The following ARL6IP5 variants were observed in gnomAD, a reference collection of about 807,000 sequenced individuals.
ARL6IP5 encodes the protein PRA1 family protein 3.
A neutral mutation model predicts 13.0 loss-of-function variants in ARL6IP5; 6 were observed. The ratio of observed to expected loss-of-function variants is 0.46; its 90% CI spans 0.25 to 0.91. The LOEUF is 0.91. Among genes scored for constraint, ARL6IP5 ranks in the 40% least tolerant of loss-of-function variants. The probability of loss-of-function intolerance (pLI) is 0.17; values close to 1 mark genes in which losing one functional copy is unlikely to be tolerated. For missense variants in ARL6IP5, 208 were observed against 248.8 expected (o/e 0.84, Z 1.10); for synonymous variants, 91 against 91.9 (o/e 0.99, Z 0.06).
At chr3:69,093,772 A>AAAAC (rs1553685750) in intron 1 of ARL6IP5, among the ~76,000 whole-genome samples, 14 of 147,320 alleles carry the variant, frequency 9.5e-5, no homozygotes, top group African/African-American at 2.2e-4. Flanking sequence ...AAAAAAAAAA[A>AAAAC]AAAAGAAAAG....
At chr3:69,102,109 A>C in intron 2 of ARL6IP5, 53 bp downstream of exon 2, 1 of 1,563,892 alleles carries the variant, frequency 6.4e-7, no homozygotes, top group Non-Finnish European at 8.8e-7. Flanking sequence ...AGAAGCAATT[A>C]TCCAACGGGA....
intron 2 of ARL6IP5, 176 bp downstream of exon 2, chr3:69,102,232 C>G: frequency 3.0e-6 from 2 of 656,568 alleles, no homozygotes; most frequent in South Asian, 3.9e-5. Flanking sequence ...GAACTGAGGT[C>G]AAGAACTATG....
chr3:69,095,326 TATTA>T (rs917084950), intron 1 of ARL6IP5, among the ~76,000 whole-genome samples: 2 of 152,044 alleles, frequency 1.3e-5, no homozygotes, highest in African/African-American at 2.4e-5. Flanking sequence ...GGGAAAGATT[TATTA>T]ATTATTTATT....
chr3:69,098,959 C>T (rs2092295860), intron 1 of ARL6IP5, among the ~76,000 whole-genome samples: 1 of 151,984 alleles, frequency 6.6e-6, no homozygotes, highest in African/African-American at 2.4e-5. Flanking sequence ...TTGTTTAATT[C>T]CTTAGACTAT....
chr3:69,093,491 T>C (rs542574437), intron 1 of ARL6IP5, among the ~76,000 whole-genome samples: 62 of 152,292 alleles, frequency 4.1e-4, no homozygotes, highest in African/African-American at 1.2e-3. Flanking sequence ...CCCACATTTA[T>C]GCCTATAGTC....
intron 1 of ARL6IP5, among the ~76,000 whole-genome samples, chr3:69,100,448 G>T (rs539905622): frequency 7.2e-5 from 11 of 152,162 alleles, no homozygotes; most frequent in African/African-American, 2.6e-4. Context: ...GGGCAGGCAG[G>T]TTATGTAAGA....
At position 69,104,639 on chromosome 3, in the gene ARL6IP5, A is replaced by G. The variant is rs1406629440; in HGVS notation, c.*3A>G. 2 of 1,612,570 alleles carry G rather than the reference A, an allele frequency of 1.2e-6. No homozygotes were observed. The highest frequency in any genetic ancestry group is 2.2e-5 in the East Asian group (1 of 44,828). ...ATATCAGCAAAGTGAAGGAATAAAC[A>G]TAACTTACCTGAGCTAGGGTTGCAG... On this transcript the variant is annotated 3_prime_UTR_variant, in exon 3 of 3. Coordinates refer to ENST00000273258, the MANE Select transcript of ARL6IP5 (RefSeq NM_006407.4).
At chr3:69,099,334 G>A (rs1575862989) in intron 1 of ARL6IP5, among the ~76,000 whole-genome samples, 1 of 152,074 alleles carries the variant, frequency 6.6e-6, no homozygotes, top group East Asian at 1.9e-4. Context: ...TCGCGCCATT[G>A]TACTCCAGCC....
chr3:69,094,915 T>C (rs191762361), intron 1 of ARL6IP5, among the ~76,000 whole-genome samples: 4 of 152,248 alleles, frequency 2.6e-5, no homozygotes, highest in Admixed American at 2.0e-4. Flanking sequence ...TAACTTGTGG[T>C]AAAACTATAG....
chr3:69,104,930 G>T lies in ARL6IP5; in HGVS notation c.*294G>T, dbSNP rs1384519612. Reference sequence around the variant, plus strand: ...TTTAAGGGAATTAAAAAAAATAAAAGAATTACGGCTTTTACAGCAACAATA... The same window carrying T: ...TTTAAGGGAATTAAAAAAAATAAAATAATTACGGCTTTTACAGCAACAATA... On this transcript the variant is annotated 3_prime_UTR_variant, in exon 3 of 3. Coordinates refer to ENST00000273258, the MANE Select transcript of ARL6IP5 (RefSeq NM_006407.4). 1 of 688,186 alleles carries T rather than the reference G, an allele frequency of 1.5e-6. No individual in the cohort carries two copies. The highest frequency in any genetic ancestry group is 2.7e-5 in the East Asian group (1 of 36,920). 42.6% of individuals were successfully genotyped at this position (688,186 alleles called of 1,614,324 possible).
rs373944686 is a variant in ARL6IP5, at chr3:69,104,970, G to GA, written c.*344dup. The GA allele has an allele frequency of 2.1e-3, 1,269 of 611,916 alleles. 2 individuals are homozygous for GA. The highest frequency in any genetic ancestry group is 8.9e-3 in the Middle Eastern group (35 of 3,934). 37.9% of individuals were successfully genotyped at this position (611,916 alleles called of 1,614,324 possible). On this transcript the variant is annotated 3_prime_UTR_variant, in exon 3 of 3. Coordinates refer to ENST00000273258, the MANE Select transcript of ARL6IP5 (RefSeq NM_006407.4). ...CAGCAACAATACGATTATCTTATAG[G>GA]AAAAAAAAAATCATTGTAAAGTATC... is the stretch of plus-strand genomic sequence containing the variant.
chr3:69,096,788 G>A (rs1203077557), intron 1 of ARL6IP5, among the ~76,000 whole-genome samples: 1 of 151,928 alleles, frequency 6.6e-6, no homozygotes, highest in Non-Finnish European at 1.5e-5. Flanking sequence ...ACTTTTAGTA[G>A]AGACGGGGTT....
chr3:69,104,619 A>T lies in ARL6IP5; in HGVS notation c.550A>T (p.Ser184Cys), dbSNP rs1197723938. ...EGINRLTDYI[S>C]KVKE ...CATCAACAGACTCACTGACTATATC[A>T]GCAAAGTGAAGGAATAAACATAACT... Residue 184 changes from serine (S) to cysteine (C), a missense_variant, in exon 3 of 3, where the codon AGC becomes TGC. Transcript: ENST00000273258. The T allele has an allele frequency of 6.2e-7, 1 of 1,613,358 alleles. No individual in the cohort carries two copies. Among genetic ancestry groups the T allele is most frequent in the South Asian group, 1.1e-5 (1 of 91,026 alleles).
At chr3:69,085,321 G>A in intron 1 of ARL6IP5, 98 bp downstream of exon 1, 1 of 1,415,308 alleles carries the variant, frequency 7.1e-7, no homozygotes, top group Admixed American at 2.3e-5. Flanking sequence ...CTCTGACCAC[G>A]CTCAGCGCCT....
At chr3:69,088,838 T>A (rs1439381696) in intron 1 of ARL6IP5, among the ~76,000 whole-genome samples, 2 of 152,202 alleles carry the variant, frequency 1.3e-5, no homozygotes, top group African/African-American at 4.8e-5. Flanking sequence ...ACAATAGAAG[T>A]CTCTACCTTG....
At chr3:69,086,722 C>CTTTTT (rs1207661746) in intron 1 of ARL6IP5, among the ~76,000 whole-genome samples, 2 of 132,446 alleles carry the variant, frequency 1.5e-5, no homozygotes, top group African/African-American at 2.8e-5. Context: ...TAAAAAATTT[C>CTTTTT]TTTTTTTTTT....
chr3:69,100,569 C>T, intron 1 of ARL6IP5, among the ~76,000 whole-genome samples: 1 of 152,020 alleles, frequency 6.6e-6, no homozygotes, highest in Admixed American at 6.6e-5. Context: ...CACTTGACGC[C>T]AGGAGTTCAA....
At chr3:69,090,449 A>G (rs1305986997) in intron 1 of ARL6IP5, among the ~76,000 whole-genome samples, 1 of 152,218 alleles carries the variant, frequency 6.6e-6, no homozygotes, top group Non-Finnish European at 1.5e-5. Context: ...CACTGAACAC[A>G]TGATAACTAA....
intron 1 of ARL6IP5, 98 bp downstream of exon 1, chr3:69,085,321 G>T (rs2092244259): frequency 7.1e-7 from 1 of 1,415,194 alleles, no homozygotes; most frequent in South Asian, 1.4e-5. Flanking sequence ...CTCTGACCAC[G>T]CTCAGCGCCT....
Sources: gnomAD v4.1 joint callset for allele counts (sites outside exome capture counted in the v4.1 genomes callset) on GRCh38, gnomAD v4.1.1 for gene constraint, MANE v1.5 for transcripts, NCBI Gene and HGNC (gene_info 2026-07-23, HGNC 2026-07-21) for gene names.